Variants in GRIN2B observed in about 807,000 individuals in gnomAD.
GRIN2B encodes the protein glutamate receptor ionotropic, NMDA 2B.
A neutral mutation model predicts 114.5 loss-of-function variants in GRIN2B; 5 were observed. That is an observed-to-expected ratio of 0.04 (90% confidence interval 0.02 to 0.09). The LOEUF (loss-of-function observed/expected upper bound fraction) is 0.09. GRIN2B is among the 10% of genes least tolerant of loss of function. GRIN2B has a pLI of 1.00. For synonymous variants in GRIN2B, 787 were observed against 745.1 expected (o/e 1.06, Z -0.92); for missense variants, 1,108 against 1,943.5 (o/e 0.57, Z 8.08).
chr12:13,676,722 T>A (rs1029849677), intron 4 of GRIN2B, among the ~76,000 whole-genome samples: 2 of 152,140 alleles, frequency 1.3e-5, no homozygotes, highest in Non-Finnish European at 2.9e-5. Flanking sequence ...ATGCACATAC[T>A]CTTTAACTCT....
chr12:13,977,788 T>C (rs1863053551), intron 2 of GRIN2B, among the ~76,000 whole-genome samples: 1 of 152,160 alleles, frequency 6.6e-6, no homozygotes, highest in Non-Finnish European at 1.5e-5. Context: ...GTCTCCAAAA[T>C]GGCTTTGCAT....
At chr12:13,863,206 G>C (rs1280298235) in intron 3 of GRIN2B, among the ~76,000 whole-genome samples, 1 of 152,170 alleles carries the variant, frequency 6.6e-6, no homozygotes, top group Non-Finnish European at 1.5e-5. Flanking sequence ...CTGGAAGGCA[G>C]TAGCCAGTGG....
chr12:13,627,262 C>A (rs182894205), intron 5 of GRIN2B, among the ~76,000 whole-genome samples: 38 of 152,224 alleles, frequency 2.5e-4, no homozygotes, highest in African/African-American at 7.7e-4. Context: ...ATTGTGAGTT[C>A]TGTTGAGATG....
intron 4 of GRIN2B, among the ~76,000 whole-genome samples, chr12:13,697,109 C>A (rs1950267329): frequency 6.6e-6 from 1 of 151,926 alleles, no homozygotes; most frequent in Admixed American, 6.6e-5. Context: ...GAGGTTTATT[C>A]CCCCACCCCC....
Position 13,615,419 on chromosome 12 carries a change from A to G in GRIN2B, c.1500+74T>C, listed in dbSNP as rs1293666738. 3 of 1,461,426 alleles carry G rather than the reference A, an allele frequency of 2.1e-6. No homozygotes were observed. Among genetic ancestry groups the G allele is most frequent in the Non-Finnish European group, 2.9e-6 (3 of 1,040,966 alleles). 90.5% of individuals were successfully genotyped at this position (1,461,426 alleles called of 1,614,324 possible). ...ATTTTCTGAAATGCATAAAGTGAGC[A>G]CGTTTTAAACTTATATTTAGAAGAA... On this transcript the variant is annotated intron_variant, in intron 7 of 13. Transcript: ENST00000609686. This position sits in a 1 kb window ranked among gnomAD's most constrained non-coding sequence, Gnocchi z 5.8.
At chr12:13,901,379 C>A (rs535621590) in intron 2 of GRIN2B, among the ~76,000 whole-genome samples, 1 of 151,966 alleles carries the variant, frequency 6.6e-6, no homozygotes. Context: ...ATTATGGATA[C>A]TTTAAACAGA....
chr12:13,954,856 A>G (rs1380513226), intron 2 of GRIN2B, among the ~76,000 whole-genome samples: 1 of 142,556 alleles, frequency 7.0e-6, no homozygotes, highest in Non-Finnish European at 1.6e-5. Flanking sequence ...GGGACAAAAA[A>G]AATCTTATGA....
intron 3 of GRIN2B, among the ~76,000 whole-genome samples, chr12:13,776,683 C>T (rs574517110): frequency 6.6e-6 from 1 of 151,732 alleles, no homozygotes; most frequent in African/African-American, 2.4e-5. Context: ...ATTTGGGGAG[C>T]GGGAATTAGT....
At chr12:13,587,439 C>A (rs1460498854) in intron 10 of GRIN2B, among the ~76,000 whole-genome samples, 4 of 151,402 alleles carry the variant, frequency 2.6e-5, no homozygotes, top group South Asian at 2.1e-4. Flanking sequence ...CTCACTGAAG[C>A]CTTAACCTGG....
intron 3 of GRIN2B, among the ~76,000 whole-genome samples, chr12:13,820,443 C>T (rs1234504667): frequency 6.6e-6 from 1 of 152,178 alleles, no homozygotes; most frequent in African/African-American, 2.4e-5. Context: ...AGAGATACAA[C>T]AGTGAGTAAA....
chr12:13,711,665 A>T (rs1303662418), intron 4 of GRIN2B, among the ~76,000 whole-genome samples: 1 of 152,160 alleles, frequency 6.6e-6, no homozygotes, highest in African/African-American at 2.4e-5. Context: ...AATGCAAATC[A>T]AAACCACAAT....
chr12:13,961,764 G>A (rs918837419), intron 2 of GRIN2B, among the ~76,000 whole-genome samples: 4 of 152,124 alleles, frequency 2.6e-5, no homozygotes, highest in East Asian at 1.9e-4. Flanking sequence ...TTCTAGAAAC[G>A]TAGGTCCAGC....
chr12:13,910,643 G>A (rs758429838), intron 2 of GRIN2B, among the ~76,000 whole-genome samples: 46 of 152,050 alleles, frequency 3.0e-4, no homozygotes, highest in Non-Finnish European at 5.1e-4. Context: ...CAACACTGCC[G>A]CACACCATTT....
intron 3 of GRIN2B, among the ~76,000 whole-genome samples, chr12:13,758,755 C>T (rs1056836759): frequency 6.6e-6 from 1 of 152,166 alleles, no homozygotes; most frequent in African/African-American, 2.4e-5. Flanking sequence ...TTACTTCTAT[C>T]TCCCCTTTGC....
chr12:13,815,584 G>A (rs1864807232), intron 3 of GRIN2B, among the ~76,000 whole-genome samples: 1 of 152,114 alleles, frequency 6.6e-6, no homozygotes, highest in African/African-American at 2.4e-5. Flanking sequence ...AAAGATGTAT[G>A]AACATTCTGA....
At chr12:13,883,442 T>C (rs557733788) in intron 2 of GRIN2B, among the ~76,000 whole-genome samples, 45 of 152,324 alleles carry the variant, frequency 3.0e-4, no homozygotes, top group African/African-American at 1.1e-3. Flanking sequence ...CTTTTTTTCC[T>C]TCCTTCTTAC....
intron 5 of GRIN2B, among the ~76,000 whole-genome samples, chr12:13,648,136 G>A (rs2136513851): frequency 6.6e-6 from 1 of 152,156 alleles, no homozygotes; most frequent in South Asian, 2.1e-4. Context: ...ATATTGACAT[G>A]CCAAATTACA....
intron 5 of GRIN2B, among the ~76,000 whole-genome samples, chr12:13,671,013 A>G (rs1021373254): frequency 6.6e-6 from 1 of 152,150 alleles, no homozygotes; most frequent in Admixed American, 6.5e-5. Context: ...AGGAGTACAT[A>G]AGAAATTGGC....
intron 2 of GRIN2B, among the ~76,000 whole-genome samples, chr12:13,870,768 T>G (rs1037670652): frequency 1.2e-4 from 18 of 152,108 alleles, no homozygotes; most frequent in Non-Finnish European, 2.5e-4. Context: ...GAACTATGTA[T>G]CAGGTCCAGT....
Sources: gnomAD v4.1 joint callset for allele counts (sites outside exome capture counted in the v4.1 genomes callset) on GRCh38, gnomAD v4.1.1 for gene constraint, Gnocchi (gnomAD v3.1) non-coding constraint, MANE v1.5 for transcripts, NCBI Gene and HGNC (gene_info 2026-07-23, HGNC 2026-07-21) for gene names.